UNC79: variants seen among roughly 807,000 people sequenced by gnomAD.
UNC79 encodes unc-79 subunit of NALCN channel complex.
Under a neutral mutation model 283.1 loss-of-function variants are expected in UNC79, and 37 were observed. The ratio of observed to expected loss-of-function variants is 0.13; its 90% CI spans 0.10 to 0.17. The LOEUF is 0.17. Among genes scored for constraint, UNC79 ranks in the 10% least tolerant of loss-of-function variants. UNC79 has a pLI of 1.00. For synonymous variants in UNC79, 1,107 were observed against 1,200.2 expected (o/e 0.92, Z 1.61); for missense variants, 2,272 against 3,211.1 (o/e 0.71, Z 7.07).
intron 1 of UNC79, among the ~76,000 whole-genome samples, chr14:93,401,566 A>G (rs531099080): frequency 6.6e-6 from 1 of 152,338 alleles, no homozygotes; most frequent in East Asian, 1.9e-4. Context: ...AACTAGAGCC[A>G]CATTTACTGC....
chr14:93,501,946 C>G (rs1452298190), intron 7 of UNC79, among the ~76,000 whole-genome samples: 1 of 152,090 alleles, frequency 6.6e-6, no homozygotes, highest in Non-Finnish European at 1.5e-5. Context: ...ATTTTAACTT[C>G]ACATATATGT....
intron 8 of UNC79, among the ~76,000 whole-genome samples, 184 bp from the exon 9 acceptor site, chr14:93,528,374 C>A (rs2060640429): frequency 6.6e-6 from 1 of 152,140 alleles, no homozygotes; most frequent in African/African-American, 2.4e-5. Context: ...ACATTTAAAT[C>A]CTCAGGGTGG....
At chr14:93,666,753 GTC>G (rs1486221982) in intron 40 of UNC79, among the ~76,000 whole-genome samples, 1 of 152,068 alleles carries the variant, frequency 6.6e-6, no homozygotes, top group African/African-American at 2.4e-5. Context: ...GGATGCAACG[GTC>G]ATATAAAGAA....
At chr14:93,612,476 A>G (rs1169524456) in intron 26 of UNC79, among the ~76,000 whole-genome samples, 1 of 152,232 alleles carries the variant, frequency 6.6e-6, no homozygotes, top group African/African-American at 2.4e-5. Flanking sequence ...CCAACATATT[A>G]AAAAATTTGC....
intron 1 of UNC79, among the ~76,000 whole-genome samples, chr14:93,399,104 C>T (rs1342420994): frequency 6.6e-6 from 1 of 152,144 alleles, no homozygotes; most frequent in Non-Finnish European, 1.5e-5. Flanking sequence ...GAAGGAGGAA[C>T]TGTCAAACAC....
intron 4 of UNC79, among the ~76,000 whole-genome samples, chr14:93,481,907 T>C (rs897534666): frequency 6.6e-6 from 1 of 152,168 alleles, no homozygotes; most frequent in Non-Finnish European, 1.5e-5. Context: ...GAAATAGAAA[T>C]CCAGAAGAGC....
At chr14:93,683,781 G>A (rs910517163) in intron 42 of UNC79, among the ~76,000 whole-genome samples, 6 of 150,420 alleles carry the variant, frequency 4.0e-5, no homozygotes, top group African/African-American at 1.5e-4. Flanking sequence ...TTAATATGAA[G>A]TATAAAAATA....
intron 11 of UNC79, among the ~76,000 whole-genome samples, chr14:93,537,232 G>A (rs573917372): frequency 1.2e-3 from 189 of 152,286 alleles, no homozygotes; most frequent in Middle Eastern, 3.4e-3. Context: ...TCTGCCTCCC[G>A]CCAGGGCAGC....
chr14:93,411,283 T>A (rs1229645436), intron 1 of UNC79, among the ~76,000 whole-genome samples: 5 of 152,226 alleles, frequency 3.3e-5, no homozygotes, highest in Non-Finnish European at 5.9e-5. Flanking sequence ...TGCAGTACAA[T>A]AGAACACCAG....
At chr14:93,614,313 T>TTATA in intron 27 of UNC79, among the ~76,000 whole-genome samples, 1 of 150,630 alleles carries the variant, frequency 6.6e-6, no homozygotes, top group Non-Finnish European at 1.5e-5. Flanking sequence ...ATTTATTTAT[T>TTATA]TATTTATTTA....
intron 1 of UNC79, among the ~76,000 whole-genome samples, chr14:93,414,507 C>A (rs901479043): frequency 6.6e-6 from 1 of 152,080 alleles, no homozygotes; most frequent in African/African-American, 2.4e-5. Context: ...CTTGGCAATG[C>A]GGGCTCTTTT....
At position 93,339,330 on chromosome 14, in the gene UNC79, C is replaced by T. The variant is rs201603604; in HGVS notation, c.-351+5807C>T. On this transcript the variant is annotated intron_variant, in intron 1 of 49. Coordinates refer to the UNC79 transcript ENST00000256339. ...TTTCTTTTTTTTTGAGACAGAGTCT[C>T]ACTGTGTTGCCCAGGCTGGAGTGCA... Among the ~76,000 whole-genome samples the T allele has an allele frequency of 2.1e-3, 319 of 152,102 alleles. 5 individuals carry two copies. The East Asian group carries it at 0.023, about 11-fold the overall frequency.
intron 25 of UNC79, among the ~76,000 whole-genome samples, chr14:93,601,249 C>T (rs924759093): frequency 7.9e-4 from 117 of 148,910 alleles, no homozygotes; most frequent in Non-Finnish European, 2.4e-4. Flanking sequence ...ATCCCTCACC[C>T]CCCTTCCACC....
chr14:93,439,584 G>C (rs1226559346), intron 1 of UNC79, among the ~76,000 whole-genome samples: 3 of 151,922 alleles, frequency 2.0e-5, no homozygotes. Flanking sequence ...TTTTATTCAG[G>C]ACCTGGGAAC....
At chr14:93,680,864 A>C (rs1208700174) in intron 41 of UNC79, among the ~76,000 whole-genome samples, 2 of 152,170 alleles carry the variant, frequency 1.3e-5, no homozygotes, top group East Asian at 3.9e-4. Flanking sequence ...TGCAATCTCT[A>C]CCAGGAGACT....
chr14:93,484,719 C>T (rs561731729), intron 4 of UNC79, among the ~76,000 whole-genome samples: 3 of 152,184 alleles, frequency 2.0e-5, no homozygotes, highest in African/African-American at 7.2e-5. Context: ...CATCTGTTTA[C>T]ATCATGCCTT....
At chr14:93,459,129 T>C (rs779679390) in intron 1 of UNC79, among the ~76,000 whole-genome samples, 1 of 152,194 alleles carries the variant, frequency 6.6e-6, no homozygotes, top group Non-Finnish European at 1.5e-5. Flanking sequence ...GGAGCTGAGA[T>C]TACAGGTGGG....
intron 1 of UNC79, among the ~76,000 whole-genome samples, chr14:93,437,840 C>T (rs962010803): frequency 3.9e-5 from 6 of 152,118 alleles, no homozygotes; most frequent in Non-Finnish European, 7.4e-5. Flanking sequence ...TATAAACACA[C>T]GTCATTTGAT....
chr14:93,426,859 C>CT (rs924233623), upstream of UNC79, among the ~76,000 whole-genome samples: 8 of 151,712 alleles, frequency 5.3e-5, no homozygotes, highest in African/African-American at 1.9e-4. Context: ...TTTCTATTGT[C>CT]TTTTTTCTTC....
Sources: gnomAD v4.1 joint callset for allele counts (sites outside exome capture counted in the v4.1 genomes callset) on GRCh38, gnomAD v4.1.1 for gene constraint, MANE v1.5 for transcripts, NCBI Gene and HGNC (gene_info 2026-07-23, HGNC 2026-07-21) for gene names.